Variants in KIAA1328 observed in about 807,000 individuals in gnomAD.
KIAA1328 encodes the protein KIAA1328.
KIAA1328 carries 52 observed loss-of-function variants against 68.1 expected under a neutral mutation model. The ratio of observed to expected loss-of-function variants is 0.76; its 90% confidence interval spans 0.61 to 0.96. KIAA1328 has a LOEUF of 0.96. Among genes scored for constraint, KIAA1328 ranks in the 40% least tolerant of loss-of-function variants. KIAA1328 has a pLI of 0.00. For synonymous variants in KIAA1328, 232 were observed against 239.4 expected (o/e 0.97, Z 0.28); for missense variants, 641 against 677.6 (o/e 0.95, Z 0.60).
intron 8 of KIAA1328, among the ~76,000 whole-genome samples, chr18:37,161,096 G>A (rs1374461072): frequency 6.6e-6 from 1 of 152,100 alleles, no homozygotes; most frequent in African/African-American, 2.4e-5. Context: ...AGACCTCTGA[G>A]CCCTCTCCTG....
intron 7 of KIAA1328, among the ~76,000 whole-genome samples, chr18:37,096,042 T>C (rs2057395294): frequency 6.6e-6 from 1 of 152,118 alleles, no homozygotes; most frequent in African/African-American, 2.4e-5. Context: ...GCTTTACTGC[T>C]GTATTCTATC....
chr18:36,847,935 G>A (rs12326182), intron 4 of KIAA1328, among the ~76,000 whole-genome samples: 6,078 of 151,552 alleles, frequency 0.04, 418 homozygotes, highest in African/African-American at 0.14. Context: ...TGTTTCATTC[G>A]CTGATGTATA....
intron 9 of KIAA1328, among the ~76,000 whole-genome samples, chr18:37,197,391 G>A (rs1040166829): frequency 6.6e-6 from 1 of 151,972 alleles, no homozygotes; most frequent in Non-Finnish European, 1.5e-5. Context: ...TGGGGTAGAA[G>A]CAAAAATGGT....
intron 4 of KIAA1328, among the ~76,000 whole-genome samples, chr18:36,875,685 C>T (rs2048097410): frequency 6.6e-6 from 1 of 152,152 alleles, no homozygotes; most frequent in African/African-American, 2.4e-5. Flanking sequence ...ATTGCCCTGG[C>T]CAGAACTTCC....
intron 6 of KIAA1328, among the ~76,000 whole-genome samples, chr18:36,962,856 A>C (rs1175588802): frequency 7.2e-5 from 11 of 152,348 alleles, no homozygotes; most frequent in Non-Finnish European, 1.5e-5. Context: ...ATTGCCTACA[A>C]GAGAAAGCAG....
At chr18:36,983,486 A>G (rs542432646) in intron 6 of KIAA1328, among the ~76,000 whole-genome samples, 1 of 152,110 alleles carries the variant, frequency 6.6e-6, no homozygotes, top group African/African-American at 2.4e-5. Flanking sequence ...CTCAATGGTT[A>G]ATAGAACGAG....
rs559585902 is a variant in KIAA1328 at position 37,190,487 on chromosome 18, A to T, written c.1523+17406A>T. 1.1e-3 allele frequency among the ~76,000 whole-genome samples: 160 copies of T among 152,302 alleles called. 2 individuals carry two copies. The Middle Eastern group carries it at 0.02, about 19-fold the overall frequency. ...ATCTTTCTGGTTAGGAGTAATGCAG[A>T]ACAAAGGCATTTCCTGGAGGATGCT... On this transcript the variant is annotated intron_variant, in intron 9 of 9. Transcript: ENST00000280020.
chr18:37,229,609 C>T, downstream of KIAA1328: 1 of 1,260,930 alleles, frequency 7.9e-7, no homozygotes, highest in Non-Finnish European at 1.0e-6. Context: ...GGCGCGGTGG[C>T]TTACACCTGT....
At chr18:37,195,844 T>C (rs1003386530) in intron 9 of KIAA1328, among the ~76,000 whole-genome samples, 22 of 152,362 alleles carry the variant, frequency 1.4e-4, no homozygotes, top group East Asian at 7.7e-4. Flanking sequence ...AGGAACATCA[T>C]TGATACTTTG....
intron 4 of KIAA1328, among the ~76,000 whole-genome samples, chr18:36,883,202 G>A (rs1471562161): frequency 6.6e-6 from 1 of 152,036 alleles, no homozygotes; most frequent in Admixed American, 6.5e-5. Context: ...CTCACAATAT[G>A]GACTGGGTAT....
At chr18:36,857,389 G>A (rs1422023900) in intron 4 of KIAA1328, among the ~76,000 whole-genome samples, 1 of 152,112 alleles carries the variant, frequency 6.6e-6, no homozygotes, top group Non-Finnish European at 1.5e-5. Context: ...ATCTGCTCTA[G>A]CCTGAAGGAG....
At chr18:36,914,313 G>C (rs1466261107) in intron 5 of KIAA1328, among the ~76,000 whole-genome samples, 2 of 152,124 alleles carry the variant, frequency 1.3e-5, no homozygotes, top group Non-Finnish European at 2.9e-5. Context: ...TGGACCTGGT[G>C]GGAGAAGAGG....
At chr18:37,170,725 G>A (rs1014475177) in intron 8 of KIAA1328, among the ~76,000 whole-genome samples, 9 of 152,164 alleles carry the variant, frequency 5.9e-5, no homozygotes, top group African/African-American at 2.2e-4. Flanking sequence ...AGGTCATCTC[G>A]GACATAGATA....
At chr18:37,101,647 A>C (rs1005235779) in intron 7 of KIAA1328, among the ~76,000 whole-genome samples, 31 of 152,280 alleles carry the variant, frequency 2.0e-4, no homozygotes, top group African/African-American at 7.2e-4. Context: ...CCAACATTCA[A>C]ATTCAGGAAA....
chr18:36,967,591 C>A (rs2051996116), intron 6 of KIAA1328, among the ~76,000 whole-genome samples: 1 of 152,204 alleles, frequency 6.6e-6, no homozygotes, highest in South Asian at 2.1e-4. Context: ...AGATGGCCAA[C>A]TAGACCCAGG....
At chr18:37,117,864 A>G (rs2058158473) in intron 7 of KIAA1328, among the ~76,000 whole-genome samples, 1 of 145,056 alleles carries the variant, frequency 6.9e-6, no homozygotes, top group African/African-American at 2.6e-5. Context: ...AAGAAAACGG[A>G]CGTAGTTGGT....
At chr18:37,090,433 A>G (rs576683763) in intron 7 of KIAA1328, among the ~76,000 whole-genome samples, 2 of 152,326 alleles carry the variant, frequency 1.3e-5, no homozygotes, top group South Asian at 2.1e-4. Flanking sequence ...TAATAATTCT[A>G]CAAAGGCTTC....
intron 6 of KIAA1328, among the ~76,000 whole-genome samples, chr18:37,033,829 G>A (rs1437261418): frequency 6.6e-6 from 1 of 152,138 alleles, no homozygotes; most frequent in Non-Finnish European, 1.5e-5. Context: ...CGATAGTCTG[G>A]ACTGTTTATC....
chr18:37,025,923 A>G (rs531512388), intron 6 of KIAA1328, among the ~76,000 whole-genome samples: 166 of 152,298 alleles, frequency 1.1e-3, no homozygotes, highest in Non-Finnish European at 1.8e-3. Context: ...CAAAAAATCA[A>G]TGAATCCAGG....
Sources: gnomAD v4.1 joint callset for allele counts (sites outside exome capture counted in the v4.1 genomes callset) on GRCh38, gnomAD v4.1.1 for gene constraint, MANE v1.5 for transcripts, NCBI Gene and HGNC (gene_info 2026-07-23, HGNC 2026-07-21) for gene names.